The following DSG4 variants were observed in gnomAD, a reference collection of about 807,000 sequenced individuals.
The protein encoded by DSG4 is desmoglein-4.
DSG4 carries 87 observed loss-of-function variants against 93.1 expected under a neutral mutation model. The ratio of observed to expected loss-of-function variants is 0.93; its 90% CI spans 0.79 to 1.12. The LOEUF (loss-of-function observed/expected upper bound fraction) is 1.12, where lower values mean the gene tolerates loss of function less well. DSG4 is among the 50% of genes most tolerant of loss of function. The pLI is 0.00. For synonymous variants in DSG4, 432 were observed against 452.9 expected (o/e 0.95, Z 0.59); for missense variants, 1,373 against 1,285.7 (o/e 1.07, Z -1.04).
intron 1 of DSG4, among the ~76,000 whole-genome samples, chr18:31,379,513 G>T (rs2072112303): frequency 6.6e-6 from 1 of 152,118 alleles, no homozygotes; most frequent in Non-Finnish European, 1.5e-5. Context: ...AGCTGGAAGA[G>T]GCCTATATTA....
In DSG4 at chr18:31,411,275, G is replaced by T; in HGVS notation, c.2182G>T (p.Gly728Cys). 24 of 1,614,206 alleles carry T rather than the reference G, an allele frequency of 1.5e-5. No individual in the cohort carries two copies. The highest frequency in any genetic ancestry group is 2.0e-5 in the Non-Finnish European group (24 of 1,180,026). ...TYAAGGTVEG[G>C]VSGVELNTGM... Reference sequence around the variant, plus strand: ...TGCAGCCGGGGGCACGGTGGAAGGAGGTGTATCGGGAGTGGAGCTCAACAC... The same window carrying T: ...TGCAGCCGGGGGCACGGTGGAAGGATGTGTATCGGGAGTGGAGCTCAACAC... Residue 728 changes from glycine (G) to cysteine (C), a missense_variant, in exon 15 of 16, where the codon GGT becomes TGT. Gly to Cys is a radical substitution (Grantham distance 159). Coordinates refer to ENST00000308128, the MANE Select transcript of DSG4 (RefSeq NM_177986.5).
chr18:31,389,098 G>A lies in DSG4; in HGVS notation c.517+80G>A, dbSNP rs2072222201. ...AAAAGCTTTAGAGGACTGACATACA[G>A]GAAATGTAAAGGACAGAAAAAGCCA... On this transcript the variant is annotated intron_variant, in intron 5 of 15. Transcript: ENST00000308128. 7.2e-6 allele frequency: 11 copies of A among 1,531,272 alleles called. No homozygotes were observed. In the South Asian group the frequency reaches 1.0e-4, roughly 14 times the overall value. The allele number at this position is 1,531,272 out of a possible 1,614,324, so 94.9% of individuals were successfully genotyped here.
Position 31,391,262 on chromosome 18 carries a change from T to C in DSG4, c.819+50T>C, listed in dbSNP as rs1167505545. The C allele has an allele frequency of 4.3e-6, 7 of 1,609,582 alleles. No homozygotes were observed. In the East Asian group the frequency reaches 1.3e-4, roughly 31 times the overall value. ...TTTTCCATAAGTGTCAATAATCAAT[T>C]TGCATAAGTGTCAATAATCAATCAT... On this transcript the variant is annotated intron_variant, in intron 7 of 15. Coordinates refer to ENST00000308128, the MANE Select transcript of DSG4 (RefSeq NM_177986.5).
In DSG4 at chr18:31,403,526, T is replaced by A; in HGVS notation, c.1528T>A (p.Ser510Thr). 6.2e-7 allele frequency: 1 copy of A among 1,614,084 alleles called. No homozygotes were observed. Among genetic ancestry groups the A allele is most frequent in the East Asian group, 2.2e-5 (1 of 44,876 alleles). The change falls in exon 11 of 16, where the codon TCA (serine) becomes ACA (threonine). Residue 510 changes from serine (S) to threonine (T), a missense_variant. Coordinates refer to ENST00000308128, the MANE Select transcript of DSG4 (RefSeq NM_177986.5). ...ERRTICIDSPSVLISVNEHSY... is the reference protein window; with the variant it reads ...ERRTICIDSPTVLISVNEHSY... ...AAGAACCATCTGCATTGACTCTCCA[T>A]CAGTCCTTATCTCTGTTAATGAACA...
rs1598757904 is a variant in DSG4, at chr18:31,413,520, C to T, written c.3048C>T (p.Thr1016=). The change falls in exon 16 of 16, where the codon ACC becomes ACT. Residue 1016 remains threonine (T), a synonymous_variant. Transcript: ENST00000308128. The stretch of plus-strand genomic sequence containing the variant: ...GTCCAGACCTTCCCATAGGCCAAAC[C>T]GTTGGCTCCACATCCCCCATGACAT... ...MMSPDLPIGQ[T]VGSTSPMTSR... 1.2e-6 allele frequency: 2 copies of T among 1,613,936 alleles called. No homozygotes were observed. Among genetic ancestry groups the T allele is most frequent in the East Asian group, 2.2e-5 (1 of 44,864 alleles).
intron 1 of DSG4, among the ~76,000 whole-genome samples, chr18:31,378,332 A>T (rs897230036): frequency 6.6e-6 from 1 of 152,074 alleles, no homozygotes; most frequent in Non-Finnish European, 1.5e-5. Flanking sequence ...ATGAGGATAT[A>T]CCTCTTGTTA....
At position 31,389,029 on chromosome 18, in the gene DSG4, T is replaced by A. The variant is rs2072221156; in HGVS notation, c.517+11T>A. On this transcript the variant is annotated intron_variant, in intron 5 of 15. Coordinates refer to ENST00000308128, the MANE Select transcript of DSG4 (RefSeq NM_177986.5). ...AAAATAGTGATGCCAGTAAGTAGAATGACATTCCTTCTCTACGTCACAGCA... is the reference window on the plus strand; with the variant it reads ...AAAATAGTGATGCCAGTAAGTAGAAAGACATTCCTTCTCTACGTCACAGCA... The A allele has an allele frequency of 6.2e-7, 1 of 1,612,598 alleles. No individual in the cohort carries two copies. The highest frequency in any genetic ancestry group is 1.3e-5 in the African/African-American group (1 of 74,856).
In DSG4 at chr18:31,409,452, T is replaced by C. The variant is rs753437829; in HGVS notation, c.1934T>C (p.Leu645Ser). ...MMVLGILLLILAPLLLLLCCC... is the reference protein window; with the variant it reads ...MMVLGILLLISAPLLLLLCCC... ...TCGACATTGTCACTTTCTTGGGCAGTGGCTCCACTCTTGCTGCTCCTGTGT... is the reference window on the plus strand; with the variant it reads ...TCGACATTGTCACTTTCTTGGGCAGCGGCTCCACTCTTGCTGCTCCTGTGT... The change falls in exon 13 of 16, where the codon TTG becomes TCG. Residue 645 changes from leucine (L) to serine (S), a missense_variant and splice_region_variant. Transcript: ENST00000308128. 19 of 1,614,182 alleles carry C rather than the reference T, an allele frequency of 1.2e-5. No individual in the cohort carries two copies. The South Asian group carries it at 1.6e-4, about 14-fold the overall frequency.
chr18:31,390,623 C>G (rs2072236993), intron 5 of DSG4, 33 bp from the exon 6 acceptor site: 8 of 1,612,018 alleles, frequency 5.0e-6, no homozygotes, highest in Non-Finnish European at 6.8e-6. Context: ...TCTAAGAGTC[C>G]CAACCATTCT....
chr18:31,411,495 T>C, intron 15 of DSG4, 47 bp downstream of exon 15: 1 of 1,594,346 alleles, frequency 6.3e-7, no homozygotes, highest in Non-Finnish European at 8.6e-7. Context: ...GATTGAATAA[T>C]AATAATAGTA....
Position 31,409,529 on chromosome 18 carries a change from C to T in DSG4, c.2011C>T (p.Pro671Ser), listed in dbSNP as rs763310802. 3 of 1,614,128 alleles carry T rather than the reference C, an allele frequency of 1.9e-6. No individual in the cohort carries two copies. Among genetic ancestry groups the T allele is most frequent in the Non-Finnish European group, 2.5e-6 (3 of 1,180,008 alleles). Residue 671 changes from proline to serine, a missense_variant, in exon 13 of 16, where the codon CCT becomes TCT. Transcript: ENST00000308128. ...CCTGGGAACAAGATTTGCTCCTGTG[C>T]CTGAGGGCGGAGAAGGAGTGATGCA... ...EGLGTRFAPV[P>S]EGGEGVMQSW...
chr18:31,385,107 T>G, intron 1 of DSG4, 29 bp from the exon 2 acceptor site: 2 of 1,591,468 alleles, frequency 1.3e-6, no homozygotes, highest in South Asian at 1.1e-5. Context: ...TGCAAATTTA[T>G]GCTAATGTGG....
intron 9 of DSG4, 81 bp from the exon 10 acceptor site, chr18:31,400,800 T>G: frequency 7.0e-7 from 1 of 1,438,202 alleles, no homozygotes; most frequent in South Asian, 1.2e-5. Context: ...TATTAAAGTT[T>G]GCCACATTGT....
chr18:31,407,822 C>T (rs2072444395), intron 12 of DSG4, among the ~76,000 whole-genome samples: 1 of 152,136 alleles, frequency 6.6e-6, no homozygotes. Flanking sequence ...TTTGAGTTAG[C>T]GGTTCTCAAC....
intron 4 of DSG4, 45 bp downstream of exon 4, chr18:31,388,567 T>C (rs2072214531): frequency 1.2e-6 from 2 of 1,609,128 alleles, no homozygotes; most frequent in Non-Finnish European, 1.7e-6. Context: ...TTAGTTTTCT[T>C]CCCTTTTTCA....
intron 15 of DSG4, among the ~76,000 whole-genome samples, chr18:31,411,714 A>G: frequency 6.6e-6 from 1 of 152,072 alleles, no homozygotes; most frequent in Admixed American, 6.5e-5. Flanking sequence ...CCATTTTTCT[A>G]TCTTTTGTTT....
Position 31,388,388 on chromosome 18 carries a change from A to G in DSG4, c.238A>G (p.Asn80Asp). 1 of 1,613,390 alleles carries G rather than the reference A, an allele frequency of 6.2e-7. No individual in the cohort carries two copies. The highest frequency in any genetic ancestry group is 8.5e-7 in the Non-Finnish European group (1 of 1,179,514). ...ATAGATTCGATCAGACTGCGAATCGAACCAGAAGATAACATACCGGATTTC... is the reference window on the plus strand; with the variant it reads ...ATAGATTCGATCAGACTGCGAATCGGACCAGAAGATAACATACCGGATTTC... ...IAKIRSDCES[N>D]QKITYRISGV... Residue 80 changes from asparagine to aspartate, a missense_variant, in exon 4 of 16, where the codon AAC becomes GAC. By Grantham distance (23) the Asn-to-Asp change is conservative. Transcript: ENST00000308128.
intron 3 of DSG4, among the ~76,000 whole-genome samples, chr18:31,387,383 A>T (rs1308409910): frequency 6.6e-6 from 1 of 152,188 alleles, no homozygotes; most frequent in Non-Finnish European, 1.5e-5. Flanking sequence ...GATCCTGAAC[A>T]GTAAAGTGAT....
intron 1 of DSG4, among the ~76,000 whole-genome samples, chr18:31,377,596 A>G (rs1020156033): frequency 2.0e-5 from 3 of 152,140 alleles, no homozygotes; most frequent in African/African-American, 7.2e-5. Flanking sequence ...GGCATCTTGG[A>G]TATTATATTT....
Sources: allele counts gnomAD v4.1 joint callset (sites outside exome capture counted in the v4.1 genomes callset), GRCh38; gene constraint gnomAD v4.1.1; transcripts MANE v1.5; gene names NCBI Gene and HGNC (gene_info 2026-07-23, HGNC 2026-07-21).